Variants in CHMP2B observed in about 807,000 individuals in gnomAD.
The protein encoded by CHMP2B is charged multivesicular body protein 2B.
Under a neutral mutation model 29.8 loss-of-function variants are expected in CHMP2B, and 22 were observed. That is an observed-to-expected ratio of 0.74 (90% CI 0.53 to 1.05). The LOEUF is 1.05. Ranked by LOEUF, CHMP2B falls within the 50% of genes least tolerant of loss-of-function variation. The pLI is 0.00. For synonymous variants in CHMP2B, 78 were observed against 75.8 expected (o/e 1.03, Z -0.15); for missense variants, 261 against 252.2 (o/e 1.03, Z -0.24).
At chr3:87,245,427 C>CTT (rs554311396) in intron 2 of CHMP2B, among the ~76,000 whole-genome samples, 3 of 139,230 alleles carry the variant, frequency 2.2e-5, no homozygotes, top group African/African-American at 5.3e-5. Context: ...TTTGGATAGT[C>CTT]TTTTTTTTTT....
Position 87,227,691 on chromosome 3 carries a change from C to T in CHMP2B, c.34+135C>T. The T allele has an allele frequency of 2.7e-6, 3 of 1,110,312 alleles. No homozygotes were observed. The Admixed American group carries it at 5.2e-5, about 19-fold the overall frequency. The allele number at this position is 1,110,312 out of a possible 1,614,324, so 68.8% of individuals were successfully genotyped here. A position where few individuals can be genotyped will look rare whatever the true frequency, so the allele number is the denominator to read the frequency against. ...GTGGTCCCACAGGTGACCGCCCTCG[C>T]GGCACCACTTCTCTGCCTCCCTCTT... On this transcript the variant is annotated intron_variant, in intron 1 of 5. Coordinates refer to ENST00000263780, the MANE Select transcript of CHMP2B (RefSeq NM_014043.4).
At position 87,248,305 on chromosome 3, in the gene CHMP2B, AAGAGAGAGAG is replaced by A. The variant is rs1053091125; in HGVS notation, c.322-1566_322-1557del. Among the ~76,000 whole-genome samples, 93 of 151,402 alleles carry A rather than the reference AAGAGAGAGAG, an allele frequency of 6.1e-4. 2 individuals carry two copies. Among genetic ancestry groups the A allele is most frequent in the Non-Finnish European group, 1.0e-4 (7 of 67,842 alleles). On this transcript the variant is annotated intron_variant, in intron 3 of 5. Transcript: ENST00000263780. ...AGAGAGAGAGACTGTCTCAAAAAAA[AAGAGAGAGAG>A]AGAACGTTTCGGTATACATTTTGTT...
chr3:87,236,012 A>G (rs1216218952), intron 1 of CHMP2B, among the ~76,000 whole-genome samples: 2 of 152,230 alleles, frequency 1.3e-5, no homozygotes, highest in East Asian at 1.9e-4. Context: ...GAAGTGATCC[A>G]TAGGTCAAGG....
rs925916459 is a variant in CHMP2B, at chr3:87,255,178, G to A, written c.*1356G>A. 6.6e-6 allele frequency: 1 copy of A among 152,068 alleles called. No individual in the cohort carries two copies. The highest frequency in any genetic ancestry group is 2.4e-5 in the African/African-American group (1 of 41,404). 9.4% of individuals were successfully genotyped at this position (152,068 alleles called of 1,614,324 possible). On this transcript the variant is annotated 3_prime_UTR_variant, in exon 6 of 6. Coordinates refer to ENST00000263780, the MANE Select transcript of CHMP2B (RefSeq NM_014043.4). ...CTAATACTGACAAAATACATCTTAG[G>A]ACTAGTATACATGTGACACGGATTG...
chr3:87,253,675 C>G (rs375802424), intron 5 of CHMP2B, 37 bp from the exon 6 acceptor site: 65 of 1,551,984 alleles, frequency 4.2e-5, no homozygotes, highest in Non-Finnish European at 5.8e-5. Flanking sequence ...CCAAATGTTT[C>G]CTAATGCACG....
intron 4 of CHMP2B, among the ~76,000 whole-genome samples, chr3:87,251,758 A>G (rs1314417591): frequency 1.3e-5 from 2 of 151,914 alleles, no homozygotes; most frequent in Non-Finnish European, 2.9e-5. Context: ...TATACCTCTG[A>G]TGAGCATTAT....
At chr3:87,246,484 A>G (rs1706216355) in intron 3 of CHMP2B, among the ~76,000 whole-genome samples, 1 of 152,136 alleles carries the variant, frequency 6.6e-6, no homozygotes, top group Admixed American at 6.5e-5. Context: ...ATTTTATGAA[A>G]TTGACTTTTA....
chr3:87,231,876 T>C (rs1256101193), intron 1 of CHMP2B, among the ~76,000 whole-genome samples: 1 of 152,154 alleles, frequency 6.6e-6, no homozygotes, highest in East Asian at 1.9e-4. Flanking sequence ...CATTTCTTTC[T>C]GACTTGGATT....
At chr3:87,238,878 A>C (rs1332937365) in intron 1 of CHMP2B, among the ~76,000 whole-genome samples, 1 of 152,204 alleles carries the variant, frequency 6.6e-6, no homozygotes, top group East Asian at 1.9e-4. Context: ...ACTGTTAAGC[A>C]TAGTAACCAA....
intron 1 of CHMP2B, among the ~76,000 whole-genome samples, chr3:87,228,267 G>GA (rs1472747260): frequency 3.3e-5 from 5 of 152,260 alleles, no homozygotes; most frequent in Non-Finnish European, 5.9e-5. Context: ...CTTAAGCGGG[G>GA]AAAAAAGTGA....
intron 1 of CHMP2B, among the ~76,000 whole-genome samples, chr3:87,233,563 T>G (rs1373212205): frequency 6.6e-6 from 1 of 152,168 alleles, no homozygotes; most frequent in Admixed American, 6.5e-5. Context: ...GAATTGACGC[T>G]CACTCTGGGC....
chr3:87,234,722 G>C (rs3804601), intron 1 of CHMP2B, among the ~76,000 whole-genome samples: 139,525 of 152,280 alleles, frequency 0.92, 64,067 homozygotes, highest in African/African-American at 0.97. Context: ...ATGAAAAATT[G>C]AGTGTATACC....
chr3:87,227,807 G>A (rs1443280967), intron 1 of CHMP2B, among the ~76,000 whole-genome samples: 4 of 152,206 alleles, frequency 2.6e-5, no homozygotes, highest in Non-Finnish European at 4.4e-5. Context: ...TTCCTCAGCA[G>A]GATCCTGAGC....
chr3:87,227,746 C>T (rs747826479), intron 1 of CHMP2B, among the ~76,000 whole-genome samples, 190 bp downstream of exon 1: 1 of 152,220 alleles, frequency 6.6e-6, no homozygotes. Flanking sequence ...TTAGGCTCAC[C>T]TAGGCAGTCT....
At chr3:87,236,669 T>C (rs1288867071) in intron 1 of CHMP2B, among the ~76,000 whole-genome samples, 1 of 152,014 alleles carries the variant, frequency 6.6e-6, no homozygotes, top group Non-Finnish European at 1.5e-5. Context: ...CTGGCCAACA[T>C]GGTGAAACCC....
chr3:87,240,409 C>G, intron 1 of CHMP2B: 2 of 290,180 alleles, frequency 6.9e-6, no homozygotes, highest in Non-Finnish European at 1.4e-5. Flanking sequence ...CTCCCAGATT[C>G]AAGCGATTCT....
intron 1 of CHMP2B, 120 bp downstream of exon 1, chr3:87,227,676 AG>A: frequency 7.7e-7 from 1 of 1,298,918 alleles, no homozygotes; most frequent in Non-Finnish European, 1.1e-6. Flanking sequence ...GTGGTCCCAC[AG>A]GTGACCGCCC....
chr3:87,240,742 G>C lies in CHMP2B; in HGVS notation c.78G>C (p.Arg26Ser), dbSNP rs1347881149. 1.2e-6 allele frequency: 2 copies of C among 1,613,626 alleles called. No homozygotes were observed. Among genetic ancestry groups the C allele is most frequent in the South Asian group, 2.2e-5 (2 of 91,074 alleles). The change falls in exon 2 of 6, where the codon AGG becomes AGC. Residue 26 changes from arginine (R) to serine (S), a missense_variant. Arg to Ser is a moderately radical substitution (Grantham distance 110). Coordinates refer to ENST00000263780, the MANE Select transcript of CHMP2B (RefSeq NM_014043.4). ...ATCGAGAGTTACGAGGTACACAGAG[G>C]GCTATAATCAGAGATCGAGCAGCTT... ...EQNRELRGTQ[R>S]AIIRDRAALE... is the part of the protein sequence containing the mutation.
intron 1 of CHMP2B, among the ~76,000 whole-genome samples, chr3:87,237,970 G>A (rs9858626): frequency 0.42 from 63,302 of 151,888 alleles, 13,412 homozygotes; most frequent in South Asian, 0.58. Flanking sequence ...CTCATTAGTA[G>A]ATCCTGAGTA....
Sources: allele counts gnomAD v4.1 joint callset (sites outside exome capture counted in the v4.1 genomes callset), GRCh38; gene constraint gnomAD v4.1.1; transcripts MANE v1.5; gene names NCBI Gene and HGNC (gene_info 2026-07-23, HGNC 2026-07-21).